The following SORCS1 variants were observed in gnomAD, a reference collection of about 807,000 sequenced individuals.
SORCS1 encodes the protein sortilin related VPS10 domain containing receptor 1.
SORCS1 carries 60 observed loss-of-function variants against 146.1 expected under a neutral mutation model. The ratio of observed to expected loss-of-function variants is 0.41; its 90% CI spans 0.33 to 0.51. The LOEUF (loss-of-function observed/expected upper bound fraction) is 0.51, where lower values mean the gene tolerates loss of function less well. Among genes scored for constraint, SORCS1 ranks in the 20% least tolerant of loss-of-function variants. The pLI, the probability that SORCS1 is intolerant of heterozygous loss-of-function variation, is 0.21. For missense variants in SORCS1, 1,352 were observed against 1,487.6 expected, an observed-to-expected ratio of 0.91 and a Z score of 1.50; for synonymous variants, 637 against 584.0, an observed-to-expected ratio of 1.09 and a Z score of -1.31.
chr10:106,985,711 A>AT (rs1366262006), intron 1 of SORCS1, among the ~76,000 whole-genome samples: 4 of 151,650 alleles, frequency 2.6e-5, no homozygotes, highest in African/African-American at 9.7e-5. Flanking sequence ...CAATTTTTGT[A>AT]TTTTTAGTAG....
At chr10:107,068,371 G>A (rs1308690562) in intron 1 of SORCS1, among the ~76,000 whole-genome samples, 4 of 152,100 alleles carry the variant, frequency 2.6e-5, no homozygotes, top group Non-Finnish European at 5.9e-5. Flanking sequence ...GGGAACAACA[G>A]ACTAATTCCT....
intron 2 of SORCS1, among the ~76,000 whole-genome samples, chr10:106,843,185 G>A (rs1035378682): frequency 6.6e-5 from 10 of 152,184 alleles, no homozygotes; most frequent in Non-Finnish European, 1.5e-4. Context: ...TGTTGTAAAT[G>A]AAGTATCCTG....
At chr10:106,778,323 A>C (rs12256394) in intron 3 of SORCS1, among the ~76,000 whole-genome samples, 7,155 of 152,092 alleles carry the variant, frequency 0.047, 272 homozygotes, top group East Asian at 0.11. Flanking sequence ...GCGCACACAA[A>C]ACTGAAGACT....
At chr10:106,967,560 G>A (rs1392828119) in intron 1 of SORCS1, among the ~76,000 whole-genome samples, 1 of 152,134 alleles carries the variant, frequency 6.6e-6, no homozygotes. Flanking sequence ...CAAAGCCAAG[G>A]CTTCAAGACC....
chr10:106,662,454 T>C (rs962350805), intron 17 of SORCS1, among the ~76,000 whole-genome samples: 1 of 152,284 alleles, frequency 6.6e-6, no homozygotes, highest in South Asian at 2.1e-4. Flanking sequence ...AGCTATGCTG[T>C]AAGAAAAGTG....
intron 18 of SORCS1, among the ~76,000 whole-genome samples, chr10:106,642,668 C>A (rs1293301477): frequency 6.6e-6 from 1 of 151,778 alleles, no homozygotes; most frequent in Non-Finnish European, 1.5e-5. Flanking sequence ...AAGAAATACA[C>A]GTATTCTAAA....
chr10:106,779,054 A>G (rs1483539631), intron 3 of SORCS1, among the ~76,000 whole-genome samples: 2 of 151,946 alleles, frequency 1.3e-5, no homozygotes, highest in African/African-American at 2.4e-5. Flanking sequence ...AGTAACGCAC[A>G]TATTTCCCAA....
At chr10:106,711,968 A>G (rs946783687) in intron 6 of SORCS1, among the ~76,000 whole-genome samples, 2 of 152,150 alleles carry the variant, frequency 1.3e-5, no homozygotes, top group South Asian at 2.1e-4. Flanking sequence ...ACTGGGCTTG[A>G]ATTCTGGTGT....
chr10:106,799,650 T>C (rs1470474223), intron 3 of SORCS1, among the ~76,000 whole-genome samples: 8 of 152,146 alleles, frequency 5.3e-5, no homozygotes, highest in Non-Finnish European at 5.9e-5. Flanking sequence ...TCACTGGCCA[T>C]CAGAGAAACG....
At chr10:106,976,514 G>A (rs1316930643) in intron 1 of SORCS1, among the ~76,000 whole-genome samples, 1 of 151,860 alleles carries the variant, frequency 6.6e-6, no homozygotes, top group Non-Finnish European at 1.5e-5. Context: ...TGTATTTTTA[G>A]TAGAGATGGG....
At chr10:106,738,617 G>A (rs1386724788) in intron 5 of SORCS1, among the ~76,000 whole-genome samples, 1 of 152,202 alleles carries the variant, frequency 6.6e-6, no homozygotes, top group African/African-American at 2.4e-5. Flanking sequence ...AGGGAGAAGA[G>A]AGAACCTCTC....
intron 17 of SORCS1, among the ~76,000 whole-genome samples, chr10:106,663,997 G>C (rs1015917559): frequency 2.6e-5 from 4 of 152,152 alleles, no homozygotes; most frequent in African/African-American, 9.7e-5. Flanking sequence ...ACACTAGCTT[G>C]CTCACCAATG....
At chr10:107,169,957 T>A in the SORCS1 span, among the ~76,000 whole-genome samples, 1 of 152,210 alleles carries the variant, frequency 6.6e-6, no homozygotes, top group Non-Finnish European at 1.5e-5. Flanking sequence ...ATAATATCAC[T>A]GTCATTATGT....
rs568605498 is a variant in SORCS1 at position 106,982,599 on chromosome 10, T to C, written c.559-26019A>G. Among the ~76,000 whole-genome samples the C allele has an allele frequency of 9.8e-5, 15 of 152,296 alleles. No homozygotes were observed. The South Asian group carries it at 2.9e-3, about 29-fold the overall frequency. ...GAACTCAACATTTAAGAACAATATC[T>C]TTTCAAGGCATTCAACCGTTAAGAC... On this transcript the variant is annotated intron_variant, in intron 1 of 25. Coordinates refer to ENST00000263054, the MANE Select transcript of SORCS1 (RefSeq NM_052918.5).
At chr10:107,169,371 A>G (rs1463189279), upstream of SORCS1, among the ~76,000 whole-genome samples, 2 of 152,146 alleles carry the variant, frequency 1.3e-5, no homozygotes, top group East Asian at 3.8e-4. Flanking sequence ...TGGGATTTTT[A>G]AAATCTGTCC....
At chr10:106,697,809 G>A (rs1013953734) in intron 9 of SORCS1, among the ~76,000 whole-genome samples, 3 of 152,060 alleles carry the variant, frequency 2.0e-5, no homozygotes, top group Non-Finnish European at 2.9e-5. Flanking sequence ...AAGTGGCATC[G>A]CTAGGATTTA....
At chr10:106,854,409 A>G (rs572124079) in intron 2 of SORCS1, among the ~76,000 whole-genome samples, 1 of 151,970 alleles carries the variant, frequency 6.6e-6, no homozygotes, top group African/African-American at 2.4e-5. Context: ...CACTCCATCA[A>G]TCTCTGTCTT....
chr10:106,600,426 A>G, intron 23 of SORCS1: 1 of 981,970 alleles, frequency 1.0e-6, no homozygotes, highest in South Asian at 4.7e-5. Flanking sequence ...AAACAAAACT[A>G]AATAAAATTT....
chr10:106,641,494 G>A lies in SORCS1; in HGVS notation c.2475+10888C>T, dbSNP rs192709797. Reference sequence around the variant, plus strand: ...CTAGAATTAGGACATGCATTCTAATGCATGTCTAGGAAAGGATTAAGGAAG... The same window carrying A: ...CTAGAATTAGGACATGCATTCTAATACATGTCTAGGAAAGGATTAAGGAAG... On this transcript the variant is annotated intron_variant, in intron 18 of 25. Coordinates refer to ENST00000263054, the MANE Select transcript of SORCS1 (RefSeq NM_052918.5). Among the ~76,000 whole-genome samples the A allele has an allele frequency of 1.7e-3, 262 of 152,246 alleles. 4 individuals carry two copies. The highest frequency in any genetic ancestry group is 6.0e-3 in the African/African-American group (251 of 41,566).
Sources: gnomAD v4.1 joint callset for allele counts (sites outside exome capture counted in the v4.1 genomes callset) on GRCh38, gnomAD v4.1.1 for gene constraint, MANE v1.5 for transcripts, NCBI Gene and HGNC (gene_info 2026-07-23, HGNC 2026-07-21) for gene names.